The following CSMD1 variants were observed in gnomAD, a reference collection of about 807,000 sequenced individuals.
CSMD1 encodes the protein CUB and sushi domain-containing protein 1.
In CSMD1, 213 loss-of-function variants were observed where a neutral mutation model predicts 417.5. The ratio of observed to expected loss-of-function variants is 0.51; its 90% CI spans 0.46 to 0.57. The LOEUF is 0.57. Among genes scored for constraint, CSMD1 ranks in the 20% least tolerant of loss-of-function variants. The pLI is 0.00. For missense variants in CSMD1, 6,923 were observed against 4,529.7 expected (o/e 1.53, Z -15.17); for synonymous variants, 2,862 against 1,736.8 (o/e 1.65, Z -16.11).
At chr8:4,911,041 G>C (rs969153355) in intron 1 of CSMD1, among the ~76,000 whole-genome samples, 3 of 152,194 alleles carry the variant, frequency 2.0e-5, no homozygotes, top group Non-Finnish European at 4.4e-5. Flanking sequence ...ATCCATGTAA[G>C]ATGTGACTTG....
chr8:4,353,666 C>G (rs768832960), intron 3 of CSMD1, among the ~76,000 whole-genome samples: 1 of 152,122 alleles, frequency 6.6e-6, no homozygotes. Flanking sequence ...TCTGCCTTTA[C>G]TCATTTCTCT....
chr8:3,628,636 C>T (rs560264640), intron 7 of CSMD1, among the ~76,000 whole-genome samples: 1 of 152,140 alleles, frequency 6.6e-6, no homozygotes, highest in South Asian at 2.1e-4. Flanking sequence ...GAGGCAGCTC[C>T]CGCAGAGGGG....
intron 1 of CSMD1, among the ~76,000 whole-genome samples, chr8:4,939,413 G>A (rs1236566706): frequency 6.6e-6 from 1 of 152,130 alleles, no homozygotes; most frequent in Non-Finnish European, 1.5e-5. Context: ...ACCCTCAACA[G>A]GTGAATCGAT....
intron 5 of CSMD1, among the ~76,000 whole-genome samples, chr8:3,868,048 C>A (rs1210129010): frequency 6.6e-6 from 1 of 152,164 alleles, no homozygotes; most frequent in South Asian, 2.1e-4. Context: ...GCACCCTGAT[C>A]TGTCCCTATC....
At chr8:3,058,924 G>A (rs748742778) in intron 49 of CSMD1, among the ~76,000 whole-genome samples, 1 of 152,038 alleles carries the variant, frequency 6.6e-6, no homozygotes, top group Admixed American at 6.6e-5. Context: ...ACTACCCCTT[G>A]CTGCTTCTCT....
intron 2 of CSMD1, among the ~76,000 whole-genome samples, chr8:4,604,306 G>A (rs1388772952): frequency 6.6e-6 from 1 of 150,614 alleles, no homozygotes; most frequent in Non-Finnish European, 1.5e-5. Flanking sequence ...TATATAACAG[G>A]AATATGCATT....
chr8:4,250,655 G>C (rs73498587), intron 3 of CSMD1, among the ~76,000 whole-genome samples: 20,708 of 152,054 alleles, frequency 0.14, 1,880 homozygotes, highest in East Asian at 0.36. Flanking sequence ...AGATACTATT[G>C]TAATTATCAG....
intron 7 of CSMD1, 32 bp from the exon 8 acceptor site, chr8:3,616,829 G>A (rs1033959849): frequency 1.2e-5 from 18 of 1,463,272 alleles, no homozygotes; most frequent in African/African-American, 4.2e-5. Context: ...TCAAAATGCT[G>A]TATAGTTATT....
At chr8:4,212,093 C>T (rs143150030) in intron 3 of CSMD1, among the ~76,000 whole-genome samples, 150 of 151,506 alleles carry the variant, frequency 9.9e-4, no homozygotes, top group African/African-American at 3.4e-3. Flanking sequence ...GTCAACGGAA[C>T]GTAAAAGTCA....
chr8:3,290,289 A>G (rs1803453801), intron 25 of CSMD1, among the ~76,000 whole-genome samples: 1 of 147,098 alleles, frequency 6.8e-6, no homozygotes, highest in Admixed American at 6.7e-5. Flanking sequence ...CTTTTGGCTT[A>G]GGATTGACTT....
intron 37 of CSMD1, among the ~76,000 whole-genome samples, chr8:3,168,072 A>G (rs181775349): frequency 4.0e-5 from 6 of 151,876 alleles, no homozygotes; most frequent in Non-Finnish European, 8.8e-5. Flanking sequence ...AAAAAAAGAT[A>G]TTTCAAACTA....
intron 3 of CSMD1, among the ~76,000 whole-genome samples, chr8:4,333,252 C>T (rs904030637): frequency 6.6e-6 from 1 of 152,106 alleles, no homozygotes; most frequent in African/African-American, 2.4e-5. Flanking sequence ...GGACACAATT[C>T]TATTAAAGCC....
At chr8:4,717,400 T>C (rs1210008046) in intron 1 of CSMD1, among the ~76,000 whole-genome samples, 1 of 149,966 alleles carries the variant, frequency 6.7e-6, no homozygotes, top group Admixed American at 6.6e-5. Flanking sequence ...CATACATATA[T>C]ACATATATAC....
At chr8:3,492,836 C>G (rs1343706812) in intron 11 of CSMD1, among the ~76,000 whole-genome samples, 1 of 150,618 alleles carries the variant, frequency 6.6e-6, no homozygotes, top group Non-Finnish European at 1.5e-5. Flanking sequence ...CAACACTTTT[C>G]CCCCCCATGT....
At chr8:4,271,115 T>C (rs1804564716) in intron 3 of CSMD1, among the ~76,000 whole-genome samples, 1 of 152,216 alleles carries the variant, frequency 6.6e-6, no homozygotes, top group Non-Finnish European at 1.5e-5. Context: ...TATTATTTCC[T>C]CATTCTGCCT....
At chr8:3,623,803 C>G (rs931804339) in intron 7 of CSMD1, among the ~76,000 whole-genome samples, 2 of 152,118 alleles carry the variant, frequency 1.3e-5, no homozygotes, top group South Asian at 2.1e-4. Flanking sequence ...TGGAGAAACC[C>G]TGTCTCTACT....
chr8:3,512,102 A>G (rs551622681), intron 10 of CSMD1, among the ~76,000 whole-genome samples: 63 of 152,104 alleles, frequency 4.1e-4, no homozygotes, highest in African/African-American at 1.5e-3. Context: ...ACCTCCTCAT[A>G]TTTCTCATCC....
intron 1 of CSMD1, among the ~76,000 whole-genome samples, chr8:4,970,019 C>T (rs1031679860): frequency 7.2e-5 from 11 of 152,032 alleles, no homozygotes; most frequent in Non-Finnish European, 1.6e-4. Context: ...TCTGCAATAC[C>T]TAAAAATTGA....
chr8:3,473,514 G>T (rs976380157), intron 11 of CSMD1, among the ~76,000 whole-genome samples: 4 of 151,806 alleles, frequency 2.6e-5, no homozygotes, highest in Non-Finnish European at 5.9e-5. Flanking sequence ...AACTATTTTG[G>T]CTTGCTAACA....
Sources: gnomAD v4.1 joint callset for allele counts (sites outside exome capture counted in the v4.1 genomes callset) on GRCh38, gnomAD v4.1.1 for gene constraint, MANE v1.5 for transcripts, NCBI Gene and HGNC (gene_info 2026-07-23, HGNC 2026-07-21) for gene names.